Variants in NPFFR2 observed in about 807,000 individuals in gnomAD.
NPFFR2 encodes the protein G-protein coupled receptor 74.
In NPFFR2, 15 loss-of-function variants were observed where a neutral mutation model predicts 13.1. That is an observed-to-expected ratio of 1.15 (90% CI 0.77 to 1.76). NPFFR2 has a LOEUF of 1.76. Among genes scored for constraint, NPFFR2 ranks in the 40% most tolerant of loss-of-function variants. NPFFR2 has a pLI of 0.00. For synonymous variants in NPFFR2, 190 were observed against 175.7 expected, an observed-to-expected ratio of 1.08 and a Z score of -0.65; for missense variants, 572 against 503.5, an observed-to-expected ratio of 1.14 and a Z score of -1.30.
chr4:72,100,078 T>C (rs1721196762), intron 1 of NPFFR2, among the ~76,000 whole-genome samples: 1 of 152,202 alleles, frequency 6.6e-6, no homozygotes, highest in East Asian at 1.9e-4. Flanking sequence ...GTGGTTATTA[T>C]GCTGCTACTC....
chr4:72,086,533 G>A (rs892629133), intron 1 of NPFFR2, among the ~76,000 whole-genome samples: 5 of 151,998 alleles, frequency 3.3e-5, no homozygotes, highest in African/African-American at 1.2e-4. Context: ...TGAAAATTTA[G>A]TTATTAAATA....
intron 1 of NPFFR2, among the ~76,000 whole-genome samples, chr4:72,106,561 C>G (rs1721425910): frequency 6.6e-6 from 1 of 151,964 alleles, no homozygotes; most frequent in Admixed American, 6.6e-5. Context: ...CAGCTTAAAA[C>G]TCTGTCCATT....
At chr4:72,122,307 G>A (rs564058951) in intron 1 of NPFFR2, among the ~76,000 whole-genome samples, 1 of 152,140 alleles carries the variant, frequency 6.6e-6, no homozygotes, top group Admixed American at 6.5e-5. Flanking sequence ...AGTAGTGGGA[G>A]ACTTTAACAC....
At position 72,115,917 on chromosome 4, in the gene NPFFR2, A is replaced by G. The variant is rs544717511; in HGVS notation, c.-7-12668A>G. 1.2e-4 allele frequency among the ~76,000 whole-genome samples: 19 copies of G among 152,280 alleles called. No individual in the cohort carries two copies. The South Asian group carries it at 3.7e-3, about 30-fold the overall frequency. On this transcript the variant is annotated intron_variant, in intron 1 of 3. Transcript: ENST00000308744. ...ACAAGTCATTAAAATTGATCATTCT[A>G]GTTTGGGACAATATTAATATCTCTT...
chr4:72,085,946 T>A (rs536874505), intron 1 of NPFFR2, among the ~76,000 whole-genome samples: 1 of 152,242 alleles, frequency 6.6e-6, no homozygotes, highest in Non-Finnish European at 1.5e-5. Flanking sequence ...TTCTTTGTCT[T>A]ATAAACTGGA....
At chr4:72,114,596 A>C (rs976038570) in intron 1 of NPFFR2, among the ~76,000 whole-genome samples, 1 of 152,174 alleles carries the variant, frequency 6.6e-6, no homozygotes, top group African/African-American at 2.4e-5. Context: ...CAACATGAAT[A>C]TATTTGTGCT....
intron 1 of NPFFR2, among the ~76,000 whole-genome samples, chr4:72,121,392 T>TA (rs1721874862): frequency 1.3e-5 from 2 of 151,890 alleles, no homozygotes; most frequent in South Asian, 4.2e-4. Flanking sequence ...ATTCAGGAAA[T>TA]ACAGAGAACA....
At chr4:72,049,282 G>A (rs1011260103) in intron 1 of NPFFR2, among the ~76,000 whole-genome samples, 2 of 152,062 alleles carry the variant, frequency 1.3e-5, no homozygotes, top group Non-Finnish European at 2.9e-5. Context: ...TGTCAAGGCT[G>A]TGTTGTGTCT....
chr4:72,135,255 T>G (rs1399437347), intron 2 of NPFFR2, among the ~76,000 whole-genome samples: 1 of 152,178 alleles, frequency 6.6e-6, no homozygotes, highest in Non-Finnish European at 1.5e-5. Context: ...GTAAGCCTTT[T>G]TATTTTGTAT....
At chr4:72,121,585 G>A (rs982365335) in intron 1 of NPFFR2, among the ~76,000 whole-genome samples, 23 of 152,178 alleles carry the variant, frequency 1.5e-4, no homozygotes, top group African/African-American at 5.5e-4. Flanking sequence ...GAAGAGAGTA[G>A]GGGCCAATAT....
chr4:72,136,680 A>G (rs746583708), intron 2 of NPFFR2, among the ~76,000 whole-genome samples: 1 of 152,188 alleles, frequency 6.6e-6, no homozygotes, highest in East Asian at 1.9e-4. Flanking sequence ...CATGCAGTGC[A>G]GCGGTATACT....
At chr4:72,112,567 T>C (rs144624506) in intron 1 of NPFFR2, among the ~76,000 whole-genome samples, 2,713 of 152,116 alleles carry the variant, frequency 0.018, 87 homozygotes, top group African/African-American at 0.062. Context: ...AAGTAGCACG[T>C]GTTTCATTAT....
At position 72,131,621 on chromosome 4, in the gene NPFFR2, A is replaced by G. The variant is rs1257421940; in HGVS notation, c.328+2702A>G. ...TAAAAAAAAATTGCTAGGAGTTATA[A>G]CATTTAACATTATAACATTATATAA... On this transcript the variant is annotated intron_variant, in intron 2 of 3. Transcript: ENST00000308744. Among the ~76,000 whole-genome samples, 9 of 152,304 alleles carry G rather than the reference A, an allele frequency of 5.9e-5. 1 individual carries two copies. Among genetic ancestry groups the G allele is most frequent in the Admixed American group, 4.6e-4 (7 of 15,298 alleles).
intron 1 of NPFFR2, among the ~76,000 whole-genome samples, chr4:72,117,677 G>C (rs573163617): frequency 6.6e-6 from 1 of 152,168 alleles, no homozygotes; most frequent in Admixed American, 6.5e-5. Flanking sequence ...ATGAATGAAT[G>C]AACAGAAGAT....
Position 72,045,610 on chromosome 4 carries a change from G to A in NPFFR2, c.-8+13410G>A, listed in dbSNP as rs115120881. Among the ~76,000 whole-genome samples, 108 of 152,218 alleles carry A rather than the reference G, an allele frequency of 7.1e-4. 1 individual carries two copies. The highest frequency in any genetic ancestry group is 2.6e-3 in the African/African-American group (106 of 41,536). On this transcript the variant is annotated intron_variant, in intron 1 of 3. Coordinates refer to ENST00000308744, the MANE Select transcript of NPFFR2 (RefSeq NM_004885.3). ...TAGTACATCTAACCTTCTGAACATCGTAGCTTAGCCTAGCCTACCAGAAAC... is the reference window on the plus strand; with the variant it reads ...TAGTACATCTAACCTTCTGAACATCATAGCTTAGCCTAGCCTACCAGAAAC...
In NPFFR2 at chr4:72,070,561, G is replaced by GT. The variant is rs368654718; in HGVS notation, c.-8+38361_-8+38362insT. 2.3e-3 allele frequency among the ~76,000 whole-genome samples: 300 copies of GT among 131,400 alleles called. 2 individuals are homozygous for GT. Among genetic ancestry groups the GT allele is most frequent in the Middle Eastern group, 0.011 (3 of 282 alleles). 86.2% of individuals were successfully genotyped at this position (131,400 alleles called of 152,430 possible). On this transcript the variant is annotated intron_variant, in intron 1 of 3. Transcript: ENST00000308744. ...AAGTATCGTGTGTGTGTGTGTGTGTGGGGGGGGGGGGTGGGGCTCTGGTGG... is the reference window on the plus strand; with the variant it reads ...AAGTATCGTGTGTGTGTGTGTGTGTGTGGGGGGGGGGGTGGGGCTCTGGTGG...
intron 1 of NPFFR2, among the ~76,000 whole-genome samples, chr4:72,127,301 C>T (rs1392528513): frequency 2.4e-4 from 3 of 12,316 alleles, no homozygotes; most frequent in Admixed American, 2.1e-3. Context: ...TAGACTCCAT[C>T]TCAAAAAAAA....
intron 1 of NPFFR2, among the ~76,000 whole-genome samples, chr4:72,063,025 A>G (rs1382549598): frequency 6.6e-6 from 1 of 152,216 alleles, no homozygotes; most frequent in African/African-American, 2.4e-5. Flanking sequence ...GTAACTGTAC[A>G]TACACAGTGA....
chr4:72,142,354 G>C (rs1255363715), intron 3 of NPFFR2, among the ~76,000 whole-genome samples: 1 of 152,162 alleles, frequency 6.6e-6, no homozygotes, highest in East Asian at 1.9e-4. Flanking sequence ...CCTTGGCTAG[G>C]AAAGGGAAAT....
Sources: gnomAD v4.1 joint callset for allele counts (sites outside exome capture counted in the v4.1 genomes callset) on GRCh38, gnomAD v4.1.1 for gene constraint, MANE v1.5 for transcripts, NCBI Gene and HGNC (gene_info 2026-07-23, HGNC 2026-07-21) for gene names.